The following MTA3 variants were observed in gnomAD, a reference collection of about 807,000 sequenced individuals.
The protein encoded by MTA3 is metastasis associated 1 family member 3.
In MTA3, 34 loss-of-function variants were observed where a neutral mutation model predicts 83.5. That is an observed-to-expected ratio of 0.41 (90% CI 0.31 to 0.54). MTA3 has a LOEUF of 0.54. Ranked by LOEUF, MTA3 falls within the 20% of genes least tolerant of loss-of-function variation. MTA3 has a pLI of 0.33. For synonymous variants in MTA3, 303 were observed against 252.7 expected (o/e 1.20, Z -1.89); for missense variants, 761 against 726.4 (o/e 1.05, Z -0.55).
At chr2:42,552,658 G>T (rs914567065) in intron 2 of MTA3, among the ~76,000 whole-genome samples, 5 of 150,620 alleles carry the variant, frequency 3.3e-5, no homozygotes, top group African/African-American at 1.2e-4. Context: ...AGAAGAAAAA[G>T]AAAAAAGAAA....
chr2:42,576,895 A>G (rs1050344640), intron 2 of MTA3, among the ~76,000 whole-genome samples: 1 of 151,736 alleles, frequency 6.6e-6, no homozygotes, highest in African/African-American at 2.4e-5. Context: ...ACTCCATCTC[A>G]ACAAACAAAC....
chr2:42,577,043 G>T (rs929656775), intron 2 of MTA3, among the ~76,000 whole-genome samples: 1 of 141,458 alleles, frequency 7.1e-6, no homozygotes, highest in African/African-American at 2.6e-5. Context: ...GCAGTGAGCC[G>T]AGATTGTGCC....
intron 2 of MTA3, among the ~76,000 whole-genome samples, chr2:42,531,321 A>G (rs543689773): frequency 6.6e-6 from 1 of 152,106 alleles, no homozygotes. Flanking sequence ...TATAACCACT[A>G]TTATTTTCTG....
intron 14 of MTA3, among the ~76,000 whole-genome samples, chr2:42,713,834 T>A (rs1265392279): frequency 6.6e-6 from 1 of 152,218 alleles, no homozygotes; most frequent in Non-Finnish European, 1.5e-5. Context: ...TTTAAGTTAT[T>A]TTCAGTCATT....
At chr2:42,601,272 T>G (rs1682541370) in intron 3 of MTA3, among the ~76,000 whole-genome samples, 1 of 152,224 alleles carries the variant, frequency 6.6e-6, no homozygotes, top group Admixed American at 6.5e-5. Context: ...GGAAACAGCC[T>G]GATGTTTGGT....
At chr2:42,723,189 C>T in intron 16 of MTA3, 154 bp downstream of exon 16, 1 of 908,928 alleles carries the variant, frequency 1.1e-6, no homozygotes, top group African/African-American at 1.7e-5. Flanking sequence ...CAGCCATATG[C>T]CACATTTTGC....
chr2:42,724,081 T>C (rs1667626474), intron 16 of MTA3, among the ~76,000 whole-genome samples: 1 of 152,118 alleles, frequency 6.6e-6, no homozygotes, highest in Non-Finnish European at 1.5e-5. Context: ...CTTGACACAA[T>C]ATACCTGATG....
At chr2:42,715,642 ACAT>A (rs1666976833) in intron 14 of MTA3, among the ~76,000 whole-genome samples, 1 of 152,176 alleles carries the variant, frequency 6.6e-6, no homozygotes, top group African/African-American at 2.4e-5. Flanking sequence ...GTCACTTAGA[ACAT>A]CATATAATTA....
At chr2:42,748,268 G>T (rs759474587) in intron 16 of MTA3, among the ~76,000 whole-genome samples, 2 of 151,086 alleles carry the variant, frequency 1.3e-5, no homozygotes, top group Non-Finnish European at 2.9e-5. Flanking sequence ...GTTTCACCGT[G>T]TTGGCCAGGA....
chr2:42,520,747 G>A (rs538175192), intron 2 of MTA3, among the ~76,000 whole-genome samples: 53 of 151,924 alleles, frequency 3.5e-4, no homozygotes, highest in African/African-American at 1.1e-3. Flanking sequence ...TGTATTTTTT[G>A]TAGAGACAGG....
At chr2:42,704,156 C>G (rs746547909) in intron 11 of MTA3, 38 bp from the exon 12 acceptor site, 2 of 1,600,270 alleles carry the variant, frequency 1.2e-6, no homozygotes, top group Non-Finnish European at 1.7e-6. Flanking sequence ...CCTTATTGTA[C>G]AAATCATTTT....
chr2:42,508,498 A>T (rs1674742213), intron 2 of MTA3, among the ~76,000 whole-genome samples: 2 of 151,252 alleles, frequency 1.3e-5, no homozygotes, highest in Admixed American at 6.6e-5. Flanking sequence ...TGCCCTGCTA[A>T]TTTTTTTTAT....
intron 3 of MTA3, among the ~76,000 whole-genome samples, chr2:42,580,357 TTTTATTTATTTA>T (rs532773955): frequency 4.0e-5 from 6 of 151,418 alleles, no homozygotes; most frequent in African/African-American, 7.3e-5. Flanking sequence ...ATTTAATTAA[TTTTATTTATTTA>T]TTTATTTATT....
At chr2:42,536,165 C>G (rs1325653307) in intron 2 of MTA3, among the ~76,000 whole-genome samples, 1 of 150,916 alleles carries the variant, frequency 6.6e-6, no homozygotes, top group African/African-American at 2.4e-5. Context: ...ACGGTCTCCC[C>G]CGGGCCATAT....
chr2:42,538,136 G>A (rs7594703), intron 2 of MTA3, among the ~76,000 whole-genome samples: 3 of 151,948 alleles, frequency 2.0e-5, no homozygotes, highest in Non-Finnish European at 4.4e-5. Flanking sequence ...AGGAGGCTGA[G>A]GCAGGAGAAT....
chr2:42,625,000 C>T (rs1177132655), intron 4 of MTA3, among the ~76,000 whole-genome samples: 4 of 152,088 alleles, frequency 2.6e-5, no homozygotes, highest in Non-Finnish European at 5.9e-5. Flanking sequence ...ATTTGATACA[C>T]CATTGTAATT....
intron 14 of MTA3, among the ~76,000 whole-genome samples, chr2:42,710,880 A>G (rs950261501): frequency 6.6e-6 from 1 of 152,046 alleles, no homozygotes; most frequent in Non-Finnish European, 1.5e-5. Context: ...GGAGTTAGAG[A>G]CTAGCCTGGC....
At chr2:42,587,406 C>A (rs1420973484) in intron 3 of MTA3, among the ~76,000 whole-genome samples, 1 of 152,064 alleles carries the variant, frequency 6.6e-6, no homozygotes, top group African/African-American at 2.4e-5. Flanking sequence ...CCCCCAAAAC[C>A]CAGTTCTCCC....
intron 2 of MTA3, among the ~76,000 whole-genome samples, chr2:42,578,350 AT>A (rs898459059): frequency 7.2e-5 from 11 of 151,810 alleles, no homozygotes; most frequent in Non-Finnish European, 1.5e-4. Context: ...GCATAACTGA[AT>A]TTTTTTTTGA....
Sources: gnomAD v4.1 joint callset for allele counts (sites outside exome capture counted in the v4.1 genomes callset) on GRCh38, gnomAD v4.1.1 for gene constraint, MANE v1.5 for transcripts, NCBI Gene and HGNC (gene_info 2026-07-23, HGNC 2026-07-21) for gene names.